GRIK1: variants seen among roughly 807,000 people sequenced by gnomAD.
GRIK1 encodes glutamate ionotropic receptor kainate type subunit 1, also known as glutamate receptor ionotropic, kainate 1.
GRIK1 carries 69 observed loss-of-function variants against 105.7 expected under a neutral mutation model. The observed-to-expected ratio is 0.65, with a 90% confidence interval of 0.54 to 0.80. The LOEUF is 0.80. Ranked by LOEUF, GRIK1 falls within the 30% of genes least tolerant of loss-of-function variation. GRIK1 has a pLI of 0.00. For synonymous variants in GRIK1, 438 were observed against 431.3 expected, an observed-to-expected ratio of 1.02 and a Z score of -0.19; for missense variants, 1,109 against 1,167.3, an observed-to-expected ratio of 0.95 and a Z score of 0.73.
At chr21:29,611,569 C>T (rs1052659886) in intron 7 of GRIK1, among the ~76,000 whole-genome samples, 7 of 152,080 alleles carry the variant, frequency 4.6e-5, no homozygotes, top group Non-Finnish European at 8.8e-5. Context: ...AATGTAATCA[C>T]ATTTGGTCCT....
intron 1 of GRIK1, among the ~76,000 whole-genome samples, chr21:29,779,932 C>T (rs2066048138): frequency 6.6e-6 from 1 of 152,102 alleles, no homozygotes; most frequent in Non-Finnish European, 1.5e-5. Context: ...ACCCTCATGC[C>T]TGGATTTTCT....
chr21:29,541,692 T>C (rs911195273), intron 16 of GRIK1, among the ~76,000 whole-genome samples: 2 of 131,068 alleles, frequency 1.5e-5, no homozygotes, highest in Non-Finnish European at 3.3e-5. Flanking sequence ...TATACTAGTG[T>C]TTTAGTTAAA....
chr21:29,774,200 C>G (rs2065884811), intron 1 of GRIK1, among the ~76,000 whole-genome samples: 1 of 152,138 alleles, frequency 6.6e-6, no homozygotes, highest in Non-Finnish European at 1.5e-5. Context: ...GGTTCATCAA[C>G]AGAAAGCACT....
intron 1 of GRIK1, among the ~76,000 whole-genome samples, chr21:29,813,349 G>A (rs2145898829): frequency 6.6e-6 from 1 of 152,196 alleles, no homozygotes. Flanking sequence ...TGTTGGTTCA[G>A]TCATATTTTT....
chr21:29,715,591 C>G (rs979057432), intron 1 of GRIK1, among the ~76,000 whole-genome samples: 2 of 151,356 alleles, frequency 1.3e-5, no homozygotes, highest in Middle Eastern at 3.2e-3. Context: ...CTTGCCTCCC[C>G]CTAATGCTGA....
intron 16 of GRIK1, among the ~76,000 whole-genome samples, chr21:29,552,516 T>G (rs914072145): frequency 1.3e-5 from 2 of 152,008 alleles, no homozygotes; most frequent in Admixed American, 6.5e-5. Context: ...CTTGCCCGTT[T>G]CCCCAGAATA....
intron 9 of GRIK1, among the ~76,000 whole-genome samples, chr21:29,595,259 AAGC>A (rs778958322): frequency 4.6e-5 from 7 of 152,002 alleles, no homozygotes; most frequent in Non-Finnish European, 7.4e-5. Flanking sequence ...TATAATTTCA[AAGC>A]TTGGATTCCA....
intron 7 of GRIK1, among the ~76,000 whole-genome samples, chr21:29,633,919 C>G (rs2062340161): frequency 6.6e-6 from 1 of 152,124 alleles, no homozygotes; most frequent in Admixed American, 6.5e-5. Context: ...TGCTGCCAGA[C>G]CCAATGTCAT....
intron 1 of GRIK1, among the ~76,000 whole-genome samples, chr21:29,740,564 A>T (rs2064902495): frequency 6.6e-6 from 1 of 152,184 alleles, no homozygotes. Context: ...CAGCTCAGAA[A>T]TCTTGTTCAG....
intron 1 of GRIK1, among the ~76,000 whole-genome samples, chr21:29,711,775 C>G (rs75018477): frequency 0.013 from 1,999 of 152,074 alleles, 79 homozygotes; most frequent in East Asian, 0.091. Context: ...TTTTTAAATG[C>G]ACACATTATT....
rs750300395 is a variant in GRIK1, at chr21:29,670,656, A to G, written c.726+2327T>C. Reference sequence around the variant, plus strand: ...AGCAAATCATTCTCTTAAATGTAACAGAAGTCCTCAGCCTCTGTTACAACA... The same window carrying G: ...AGCAAATCATTCTCTTAAATGTAACGGAAGTCCTCAGCCTCTGTTACAACA... On this transcript the variant is annotated intron_variant, in intron 4 of 17. Transcript: ENST00000327783. 9.2e-5 allele frequency among the ~76,000 whole-genome samples: 14 copies of G among 152,320 alleles called. 1 individual carries two copies. The South Asian group carries it at 1.0e-3, about 11-fold the overall frequency.
chr21:29,621,047 T>C (rs556491832), intron 7 of GRIK1, among the ~76,000 whole-genome samples: 1 of 151,936 alleles, frequency 6.6e-6, no homozygotes, highest in South Asian at 2.1e-4. Flanking sequence ...TTCTTGGCAC[T>C]ACATAACCAT....
At chr21:29,827,777 G>A (rs748262864) in intron 1 of GRIK1, among the ~76,000 whole-genome samples, 12 of 152,004 alleles carry the variant, frequency 7.9e-5, no homozygotes, top group South Asian at 2.1e-4. Flanking sequence ...AAAACTTAGC[G>A]TCTTTAAACA....
chr21:29,892,622 C>T (rs545337081), intron 1 of GRIK1, among the ~76,000 whole-genome samples: 2 of 152,228 alleles, frequency 1.3e-5, no homozygotes, highest in Admixed American at 6.5e-5. Flanking sequence ...GTCAGTGGAC[C>T]GACCCAAGAT....
At chr21:29,892,350 A>T (rs943917086) in intron 1 of GRIK1, among the ~76,000 whole-genome samples, 1 of 152,270 alleles carries the variant, frequency 6.6e-6, no homozygotes, top group Non-Finnish European at 1.5e-5. Flanking sequence ...TGGAACAAGC[A>T]TGTTCACTAG....
intron 1 of GRIK1, among the ~76,000 whole-genome samples, chr21:29,757,875 C>T (rs1455628942): frequency 6.6e-6 from 1 of 152,200 alleles, no homozygotes; most frequent in Non-Finnish European, 1.5e-5. Context: ...TTCCATATCC[C>T]TAATTGGCAA....
chr21:29,791,321 GA>G (rs752348669), intron 1 of GRIK1, among the ~76,000 whole-genome samples: 5 of 150,944 alleles, frequency 3.3e-5, no homozygotes, highest in East Asian at 3.9e-4. Flanking sequence ...AGAAGAGGAG[GA>G]AAAAAAAAGG....
chr21:29,537,151 T>A lies in GRIK1; in HGVS notation c.*79A>T. 1 of 964,994 alleles carries A rather than the reference T, an allele frequency of 1.0e-6. No individual in the cohort carries two copies. Among genetic ancestry groups the A allele is most frequent in the Non-Finnish European group, 1.5e-6 (1 of 650,846 alleles). 59.8% of individuals were successfully genotyped at this position (964,994 alleles called of 1,614,324 possible). The stretch of plus-strand genomic sequence containing the variant: ...ATGGATATAGATATATGGAAACACA[T>A]CACACACTCCTCAGAAATCCTTTCT... On this transcript the variant is annotated 3_prime_UTR_variant, in exon 18 of 18. Transcript: ENST00000327783.
intron 1 of GRIK1, among the ~76,000 whole-genome samples, chr21:29,788,204 G>T (rs1433082725): frequency 6.6e-6 from 1 of 152,196 alleles, no homozygotes; most frequent in Admixed American, 6.5e-5. Context: ...ATTGTGATAA[G>T]TCCCACAGAG....
Sources: gnomAD v4.1 joint callset for allele counts (sites outside exome capture counted in the v4.1 genomes callset) on GRCh38, gnomAD v4.1.1 for gene constraint, MANE v1.5 for transcripts, NCBI Gene and HGNC (gene_info 2026-07-23, HGNC 2026-07-21) for gene names.